The following HEATR5B variants were observed in gnomAD, a reference collection of about 807,000 sequenced individuals.
HEATR5B encodes the protein HEAT repeat-containing protein 5B.
In HEATR5B, 156 loss-of-function variants were observed where a neutral mutation model predicts 224.1. The ratio of observed to expected loss-of-function variants is 0.70; its 90% confidence interval spans 0.61 to 0.80. The LOEUF is 0.80. Among genes scored for constraint, HEATR5B ranks in the 30% least tolerant of loss-of-function variants. The pLI is 0.00. For missense variants in HEATR5B, 2,323 were observed against 2,535.5 expected (o/e 0.92, Z 1.80); for synonymous variants, 1,027 against 893.0 (o/e 1.15, Z -2.68).
intron 2 of HEATR5B, among the ~76,000 whole-genome samples, chr2:37,082,178 T>C (rs1380221097): frequency 6.9e-6 from 1 of 145,232 alleles, no homozygotes; most frequent in Non-Finnish European, 1.5e-5. Flanking sequence ...CAAGCGATTC[T>C]CCTGCCTCAG....
At chr2:37,032,833 A>C in intron 21 of HEATR5B, 60 bp from the exon 22 acceptor site, 1 of 1,420,416 alleles carries the variant, frequency 7.0e-7, no homozygotes, top group South Asian at 1.2e-5. Context: ...CTTTAATCTT[A>C]TTTGCCCAAT....
intron 7 of HEATR5B, 45 bp downstream of exon 7, chr2:37,070,185 C>T (rs747095408): frequency 2.2e-5 from 35 of 1,595,462 alleles, no homozygotes; most frequent in Middle Eastern, 1.7e-4. Context: ...CAGGCGTGAG[C>T]CACCGTGCCT....
intron 18 of HEATR5B, among the ~76,000 whole-genome samples, chr2:37,045,168 T>C (rs968988285): frequency 6.6e-6 from 1 of 152,232 alleles, no homozygotes; most frequent in Non-Finnish European, 1.5e-5. Flanking sequence ...TTAATATTCT[T>C]ATTTGCTAAT....
intron 26 of HEATR5B, among the ~76,000 whole-genome samples, chr2:37,015,515 A>C (rs1668057050): frequency 6.6e-6 from 1 of 152,202 alleles, no homozygotes; most frequent in Non-Finnish European, 1.5e-5. Flanking sequence ...TATGGAAACT[A>C]ATTAGCTATT....
chr2:37,021,949 C>G (rs1668488266), intron 24 of HEATR5B, among the ~76,000 whole-genome samples: 1 of 151,366 alleles, frequency 6.6e-6, no homozygotes, highest in African/African-American at 2.4e-5. Context: ...TAATAACCAT[C>G]TGATCACTGC....
In HEATR5B at chr2:37,057,488, A is replaced by C; in HGVS notation, c.2060-8T>G. The stretch of plus-strand genomic sequence containing the variant: ...GAAGTGCATTAAAAGATCCTAAAAA[A>C]CAGAACTTCAGATCAGATTAAAAAG... On this transcript the variant is annotated splice_polypyrimidine_tract_variant and splice_region_variant and intron_variant, in intron 14 of 35. Transcript: ENST00000233099. The C allele has an allele frequency of 6.3e-7, 1 of 1,593,294 alleles. No individual in the cohort carries two copies. The highest frequency in any genetic ancestry group is 8.5e-7 in the Non-Finnish European group (1 of 1,170,818).
chr2:36,995,496 A>T (rs935648431), intron 33 of HEATR5B, among the ~76,000 whole-genome samples: 6 of 152,200 alleles, frequency 3.9e-5, no homozygotes, highest in African/African-American at 1.4e-4. Flanking sequence ...ATAAAGCTAA[A>T]ATAATTTTAA....
At chr2:37,013,765 C>A (rs1667940402) in intron 27 of HEATR5B, 76 bp downstream of exon 27, 1 of 1,309,704 alleles carries the variant, frequency 7.6e-7, no homozygotes, top group Non-Finnish European at 1.0e-6. Flanking sequence ...AATTTTTTTA[C>A]CAACAAGAGT....
chr2:37,032,801 T>G, intron 21 of HEATR5B, 28 bp from the exon 22 acceptor site: 2 of 1,600,612 alleles, frequency 1.2e-6, no homozygotes, highest in Non-Finnish European at 1.7e-6. Context: ...GTTAGGCGAT[T>G]TCTCTTTAAA....
chr2:37,029,519 C>T (rs1178067655), intron 22 of HEATR5B, among the ~76,000 whole-genome samples: 1 of 152,042 alleles, frequency 6.6e-6, no homozygotes, highest in East Asian at 1.9e-4. Flanking sequence ...CAAAATTTAG[C>T]TGGGCATGGT....
chr2:37,060,500 T>C lies in HEATR5B; in HGVS notation c.1849+81A>G, dbSNP rs1028877033. The stretch of plus-strand genomic sequence containing the variant: ...CATTACCTAGTAAAATAAAAAACTA[T>C]AAAATAGTGATTTTTCTTTTACTTT... On this transcript the variant is annotated intron_variant, in intron 12 of 35. Coordinates refer to ENST00000233099, the MANE Select transcript of HEATR5B (RefSeq NM_019024.3). 16 of 1,246,710 alleles carry C rather than the reference T, an allele frequency of 1.3e-5. No homozygotes were observed. In the Admixed American group the frequency reaches 2.8e-4, roughly 22 times the overall value. 77.2% of individuals were successfully genotyped at this position (1,246,710 alleles called of 1,614,324 possible).
At chr2:36,997,051 T>A (rs577638033) in intron 33 of HEATR5B, among the ~76,000 whole-genome samples, 1 of 152,214 alleles carries the variant, frequency 6.6e-6, no homozygotes, top group African/African-American at 2.4e-5. Flanking sequence ...GGTGAGTAAG[T>A]GAATTTTTTC....
intron 17 of HEATR5B, among the ~76,000 whole-genome samples, chr2:37,052,017 G>C (rs962285673): frequency 6.6e-6 from 1 of 152,138 alleles, no homozygotes; most frequent in Non-Finnish European, 1.5e-5. Context: ...TGGGATTACA[G>C]GCATAAGCCA....
At position 37,019,822 on chromosome 2, in the gene HEATR5B, G is replaced by A. The variant is rs763704720; in HGVS notation, c.4091C>T (p.Ala1364Val). The A allele has an allele frequency of 1.1e-5, 17 of 1,607,372 alleles. No individual in the cohort carries two copies. The highest frequency in any genetic ancestry group is 1.7e-5 in the Admixed American group (1 of 59,836). The stretch of plus-strand genomic sequence containing the variant: ...TTTTCTTCTTACCTGGCAAGCTTTC[G>A]CTATTATATCTGATGGTGTATCTTG... ...FSQDTPSDII[A>V]KACQVCSTWI... Residue 1364 changes from alanine to valine, a missense_variant, in exon 26 of 36, where the codon GCG (alanine) becomes GTG (valine). This residue lies in a region of HEATR5B where 339 missense variants were observed against 378.4 expected (regional missense o/e 0.90). Coordinates refer to ENST00000233099, the MANE Select transcript of HEATR5B (RefSeq NM_019024.3).
intron 34 of HEATR5B, 132 bp downstream of exon 34, chr2:36,990,516 G>T: frequency 2.7e-6 from 2 of 734,288 alleles, no homozygotes; most frequent in Non-Finnish European, 4.2e-6. Context: ...ATTTGTTTCA[G>T]TTTTTCCATT....
intron 10 of HEATR5B, among the ~76,000 whole-genome samples, chr2:37,063,507 G>T (rs1408391551): frequency 3.3e-5 from 5 of 152,118 alleles, no homozygotes; most frequent in African/African-American, 4.8e-5. Flanking sequence ...TGTAAAATAT[G>T]AAAGTGGTAT....
chr2:37,065,094 T>A lies in HEATR5B; in HGVS notation c.1334-104A>T. The stretch of plus-strand genomic sequence containing the variant: ...ATAACTGAAATGACAATCACCAAGC[T>A]TTCACACATATAGATCCACAACTTT... On this transcript the variant is annotated intron_variant, in intron 9 of 35. Transcript: ENST00000233099. The A allele has an allele frequency of 2.6e-6, 3 of 1,168,138 alleles. No homozygotes were observed. The South Asian group carries it at 4.4e-5, about 17-fold the overall frequency. 72.4% of individuals were successfully genotyped at this position (1,168,138 alleles called of 1,614,324 possible). A position where few individuals can be genotyped will look rare whatever the true frequency, so the allele number is the denominator to read the frequency against.
chr2:36,986,920 T>A (rs115578732), intron 35 of HEATR5B, among the ~76,000 whole-genome samples: 3,375 of 152,102 alleles, frequency 0.022, 45 homozygotes, highest in Non-Finnish European at 0.024. Flanking sequence ...TGCAGCTAAT[T>A]TTTTGTATTT....
rs527333030 is a variant in HEATR5B at position 37,041,894 on chromosome 2, T to C, written c.2697-602A>G. Among the ~76,000 whole-genome samples, 250 of 151,954 alleles carry C rather than the reference T, an allele frequency of 1.6e-3. 3 individuals carry two copies. Among genetic ancestry groups the C allele is most frequent in the African/African-American group, 5.9e-3 (244 of 41,532 alleles). On this transcript the variant is annotated intron_variant, in intron 18 of 35. Coordinates refer to ENST00000233099, the MANE Select transcript of HEATR5B (RefSeq NM_019024.3). ...AGCCAAGACTTATTTGAAATATTTT[T>C]ATATTTTTAAAAAACAAAATAACTT...
Sources: gnomAD v4.1 joint callset for allele counts (sites outside exome capture counted in the v4.1 genomes callset) on GRCh38, gnomAD v4.1.1 for gene constraint, gnomAD v4.1.1 regional missense constraint, MANE v1.5 for transcripts, NCBI Gene and HGNC (gene_info 2026-07-23, HGNC 2026-07-21) for gene names.